SPATA25: variants seen among roughly 807,000 people sequenced by gnomAD.
SPATA25 encodes the protein spermatogenesis associated 25.
A neutral mutation model predicts 16.0 loss-of-function variants in SPATA25; 16 were observed. The observed-to-expected ratio is 1.00, with a 90% CI of 0.68 to 1.52. The LOEUF (loss-of-function observed/expected upper bound fraction) is 1.52, where lower values mean the gene tolerates loss of function less well. Ranked by LOEUF, SPATA25 falls within the 40% of genes most tolerant of loss-of-function variation. The pLI is 0.00. For missense variants in SPATA25, 285 were observed against 289.2 expected (o/e 0.99, Z 0.11); for synonymous variants, 115 against 118.5 (o/e 0.97, Z 0.19).
chr20:45,890,396 T>A (rs1386737894), upstream of SPATA25: 14 of 1,612,372 alleles, frequency 8.7e-6, no homozygotes, highest in Non-Finnish European at 8.5e-7. Flanking sequence ...GGCCGTGCCA[T>A]CGGGGCGCGG....
upstream of SPATA25, among the ~76,000 whole-genome samples, chr20:45,889,587 C>T (rs1032830260): frequency 1.3e-5 from 2 of 148,622 alleles, no homozygotes; most frequent in Non-Finnish European, 3.0e-5. Context: ...AGCTTGCTTG[C>T]TTGCTTGCTT....
chr20:45,890,857 G>T, upstream of SPATA25: 1 of 1,569,922 alleles, frequency 6.4e-7, no homozygotes, highest in Non-Finnish European at 8.6e-7. Flanking sequence ...AGCTCTCCAC[G>T]CGTGTGGCCC....
At chr20:45,889,005 C>T (rs1986600244), upstream of SPATA25, 13 of 1,004,426 alleles carry the variant, frequency 1.3e-5, no homozygotes, top group East Asian at 1.6e-4. Context: ...CTGGGCCCAG[C>T]CTGCTTCATG....
At chr20:45,888,886 G>GAC, upstream of SPATA25, 1 of 1,614,026 alleles carries the variant, frequency 6.2e-7, no homozygotes, top group Non-Finnish European at 8.5e-7. Flanking sequence ...GTGGGAAGAA[G>GAC]ACTGTGAAAG....
chr20:45,890,641 G>A, upstream of SPATA25: 2 of 1,613,354 alleles, frequency 1.2e-6, no homozygotes, highest in Non-Finnish European at 1.7e-6. Context: ...GGTTGTGGTG[G>A]CGCGTGATGG....
chr20:45,890,409 A>T, upstream of SPATA25: 3 of 1,612,292 alleles, frequency 1.9e-6, no homozygotes, highest in South Asian at 2.2e-5. Context: ...GGGCGCGGGC[A>T]AAAGAGGACA....
upstream of SPATA25, chr20:45,888,882 A>T: frequency 6.2e-7 from 1 of 1,614,112 alleles, no homozygotes; most frequent in Non-Finnish European, 8.5e-7. Flanking sequence ...CACTGTGGGA[A>T]GAAGACTGTG....
At chr20:45,890,306 A>G (rs1986699922), upstream of SPATA25, 2 of 1,613,300 alleles carry the variant, frequency 1.2e-6, no homozygotes, top group Admixed American at 1.7e-5. Context: ...CACGTCCACC[A>G]CCGCGTAGAG....
At chr20:45,890,151 G>T, upstream of SPATA25, 1 of 1,336,710 alleles carries the variant, frequency 7.5e-7, no homozygotes, top group Non-Finnish European at 1.1e-6. Context: ...TCTTAAACTA[G>T]TGCCGGACAG....
chr20:45,890,497 T>A (rs1343532391), upstream of SPATA25: 2 of 1,598,462 alleles, frequency 1.3e-6, no homozygotes, highest in African/African-American at 2.7e-5. Context: ...TGTAGAGCCC[T>A]GGCCGGCTGC....
At chr20:45,888,649 C>T (rs755003032), upstream of SPATA25, 25 of 999,764 alleles carry the variant, frequency 2.5e-5, no homozygotes, top group Non-Finnish European at 3.3e-5. Context: ...ATGTCAGCAT[C>T]GGCTGTTTAT....
chr20:45,890,177 A>T, upstream of SPATA25: 1 of 1,552,084 alleles, frequency 6.4e-7, no homozygotes, highest in Non-Finnish European at 8.9e-7. Context: ...GGCCTAGCAC[A>T]TGGGCTACGG....
Position 45,886,699 on chromosome 20 carries a change from G to A in SPATA25, c.502C>T (p.Pro168Ser). The A allele has an allele frequency of 6.2e-7, 1 of 1,614,140 alleles. No homozygotes were observed. Among genetic ancestry groups the A allele is most frequent in the Non-Finnish European group, 8.5e-7 (1 of 1,180,046 alleles). Residue 168 changes from proline (P) to serine (S), a missense_variant, in exon 2 of 2, where the codon CCC becomes TCC. Pro to Ser is a moderately conservative substitution (Grantham distance 74). Transcript: ENST00000372519. ...TCCTCTTCCCGAACTCCTGGGACGG[G>A]CACGGTGGGGATGCCAGCGATCATC... ...AMMIAGIPTV[P>S]VPGVREEDLI...
upstream of SPATA25, chr20:45,890,502 G>C (rs1461431149): frequency 6.3e-7 from 1 of 1,598,432 alleles, no homozygotes; most frequent in African/African-American, 1.3e-5. Flanking sequence ...AGCCCTGGCC[G>C]GCTGCGGCCC....
chr20:45,886,773 C>T lies in SPATA25; in HGVS notation c.428G>A (p.Gly143Glu), dbSNP rs150194365. 1.1e-5 allele frequency: 18 copies of T among 1,614,010 alleles called. No homozygotes were observed. The African/African-American group carries it at 2.4e-4, about 22-fold the overall frequency. The change falls in exon 2 of 2, where the codon GGG becomes GAG. Residue 143 changes from glycine (G) to glutamate (E), a missense_variant. Gly to Glu is a moderately conservative substitution (Grantham distance 98). Transcript: ENST00000372519. ...ATCAGGCTGGGAGCTGGCCTCCTTC[C>T]CCACTGCCTCAGAGGGTACCGGTAG... is the stretch of plus-strand genomic sequence containing the variant. The part of the protein sequence containing the change: ...RVLPVPSEAV[G>E]KEASSQPDIC...
chr20:45,890,558 G>T, upstream of SPATA25: 1 of 1,611,722 alleles, frequency 6.2e-7, no homozygotes, highest in South Asian at 1.1e-5. Flanking sequence ...GCGCAGATAT[G>T]GTTCCACGAG....
At position 45,886,684 on chromosome 20, in the gene SPATA25, G is replaced by C. The variant is rs770011356; in HGVS notation, c.517C>G (p.Arg173Gly). 3 of 1,614,110 alleles carry C rather than the reference G, an allele frequency of 1.9e-6. No homozygotes were observed. In the Admixed American group the frequency reaches 5.0e-5, roughly 27 times the overall value. Reference sequence around the variant, plus strand: ...GCGGCCCAGATCAGGTCCTCTTCCCGAACTCCTGGGACGGGCACGGTGGGG... The same window carrying C: ...GCGGCCCAGATCAGGTCCTCTTCCCCAACTCCTGGGACGGGCACGGTGGGG... ...GIPTVPVPGV[R>G]EEDLIWAAQA... The change falls in exon 2 of 2, where the codon CGG becomes GGG. Residue 173 changes from arginine (R) to glycine (G), a missense_variant. Arg to Gly is a moderately radical substitution (Grantham distance 125). Transcript: ENST00000372519.
At chr20:45,887,697 A>G, upstream of SPATA25, 1 of 1,028,408 alleles carries the variant, frequency 9.7e-7, no homozygotes, top group South Asian at 1.6e-5. Context: ...TCACACTTGG[A>G]ATCCACTTTA....
chr20:45,889,370 T>A (rs79968339), upstream of SPATA25, among the ~76,000 whole-genome samples: 1 of 149,434 alleles, frequency 6.7e-6, no homozygotes, highest in Admixed American at 6.6e-5. Context: ...TTTTTTTTTT[T>A]ATTTAAAGAG....
Sources: gnomAD v4.1 joint callset for allele counts (sites outside exome capture counted in the v4.1 genomes callset) on GRCh38, gnomAD v4.1.1 for gene constraint, MANE v1.5 for transcripts, NCBI Gene and HGNC (gene_info 2026-07-23, HGNC 2026-07-21) for gene names.